The following CEP164 variants were observed in gnomAD, a reference collection of about 807,000 sequenced individuals.
CEP164 encodes centrosomal protein of 164 kDa.
A neutral mutation model predicts 182.7 loss-of-function variants in CEP164; 162 were observed. The observed-to-expected ratio is 0.89, with a 90% CI of 0.78 to 1.01. CEP164 has a LOEUF of 1.01. CEP164 is among the 50% of genes least tolerant of loss of function. The pLI is 0.00. For missense variants in CEP164, 1,735 were observed against 1,790.4 expected, an observed-to-expected ratio of 0.97 and a Z score of 0.56; for synonymous variants, 661 against 690.0, an observed-to-expected ratio of 0.96 and a Z score of 0.66.
rs1402878349 is a variant in CEP164, at chr11:117,411,778, C to T, written c.4164-17C>T. On this transcript the variant is annotated splice_polypyrimidine_tract_variant and intron_variant, in intron 31 of 32. Transcript: ENST00000278935. The surrounding 1 kb of genome is among the most constrained non-coding windows in gnomAD (Gnocchi z 4.4). ...GCCTCCTCTCTCCCCTCGCCATGCT[C>T]TCCTCTTCCTTCCCAGTGAGCAGCT... is the stretch of plus-strand genomic sequence containing the variant. The T allele has an allele frequency of 6.8e-6, 11 of 1,614,004 alleles. No homozygotes were observed. In the South Asian group the frequency reaches 1.1e-4, roughly 16 times the overall value.
intron 5 of CEP164, among the ~76,000 whole-genome samples, chr11:117,360,137 T>C (rs117346303): frequency 6.6e-6 from 1 of 152,208 alleles, no homozygotes; most frequent in East Asian, 1.9e-4. Context: ...GTAGTTAGTG[T>C]TGATTTTTTT....
At chr11:117,388,407 C>T (rs928342405) in intron 15 of CEP164, among the ~76,000 whole-genome samples, 20 of 152,242 alleles carry the variant, frequency 1.3e-4, no homozygotes, top group Admixed American at 3.9e-4. Context: ...TAAGTGATTT[C>T]TCTGTGGACA....
At position 117,389,464 on chromosome 11, in the gene CEP164, G is replaced by T. The variant is rs76663730; in HGVS notation, c.1935-1313G>T. 2.4e-3 allele frequency among the ~76,000 whole-genome samples: 364 copies of T among 152,292 alleles called. 13 individuals are homozygous for T. The South Asian group carries it at 0.048, about 20-fold the overall frequency. Reference sequence around the variant, plus strand: ...GTCAGCTACTATGTGTGGTACCTGGGATATAACAGATTTTAAGACAAGATT... The same window carrying T: ...GTCAGCTACTATGTGTGGTACCTGGTATATAACAGATTTTAAGACAAGATT... On this transcript the variant is annotated intron_variant, in intron 15 of 32. Coordinates refer to ENST00000278935, the MANE Select transcript of CEP164 (RefSeq NM_014956.5).
intron 5 of CEP164, among the ~76,000 whole-genome samples, chr11:117,357,833 G>C (rs184176669): frequency 1.3e-5 from 2 of 152,308 alleles, no homozygotes; most frequent in Admixed American, 6.5e-5. Context: ...TGGATAACCT[G>C]TGTCAGGCTT....
In CEP164 at chr11:117,395,530, T is replaced by G. The variant is rs376137516; in HGVS notation, c.2914-17T>G. The G allele has an allele frequency of 2.5e-6, 4 of 1,599,236 alleles. No individual in the cohort carries two copies. The highest frequency in any genetic ancestry group is 1.3e-5 in the African/African-American group (1 of 74,528). ...TGTGCTGTCTCTGGGTGCTTCTATC[T>G]TTCCTTTTGCCCCTAGGAAGCCACA... On this transcript the variant is annotated splice_polypyrimidine_tract_variant and intron_variant, in intron 23 of 32. Coordinates refer to ENST00000278935, the MANE Select transcript of CEP164 (RefSeq NM_014956.5).
chr11:117,351,853 TC>T lies in CEP164; in HGVS notation c.260del (p.Pro87HisfsTer10). 6.2e-7 allele frequency: 1 copy of T among 1,613,296 alleles called. No homozygotes were observed. The highest frequency in any genetic ancestry group is 1.1e-5 in the South Asian group (1 of 91,064). ...CCAACGGGCAGTCTATGTGGGACCA[TC>T]CATGTGACGAACACTATCGGAGCTT... ...FANGQSMWDH[P>X]CDEHYRSLVI... On this transcript the variant is annotated frameshift_variant, in exon 5 of 33. Coordinates refer to ENST00000278935, the MANE Select transcript of CEP164 (RefSeq NM_014956.5). LOFTEE classifies it high-confidence loss of function.
rs1489243648 is a variant in CEP164, at chr11:117,411,415, C to G, written c.4164-380C>G. The G allele has an allele frequency of 1.9e-5, 5 of 260,906 alleles. No homozygotes were observed. The highest frequency in any genetic ancestry group is 3.0e-5 in the Non-Finnish European group (4 of 135,200). 16.2% of individuals were successfully genotyped at this position (260,906 alleles called of 1,614,324 possible). On this transcript the variant is annotated intron_variant, in intron 31 of 32. Transcript: ENST00000278935. This position sits in a 1 kb window ranked among gnomAD's most constrained non-coding sequence, Gnocchi z 4.4. The stretch of plus-strand genomic sequence containing the variant: ...CATTCCTTGCCAAATGTTTTCCCCT[C>G]TCCCTCCCTTAGGCAGCTAACAGTG...
chr11:117,396,251 CAG>C, intron 25 of CEP164, 71 bp downstream of exon 25: 1 of 1,522,170 alleles, frequency 6.6e-7, no homozygotes. Context: ...GGCTGGGCAT[CAG>C]GGGAGTACTT....
At position 117,411,100 on chromosome 11, in the gene CEP164, C is replaced by T. The variant is rs2047302861; in HGVS notation, c.4163+206C>T. The T allele has an allele frequency of 1.8e-6, 1 of 560,948 alleles. No homozygotes were observed. The highest frequency in any genetic ancestry group is 3.2e-6 in the Non-Finnish European group (1 of 309,896). 34.7% of individuals were successfully genotyped at this position (560,948 alleles called of 1,614,324 possible). A position where few individuals can be genotyped will look rare whatever the true frequency, so the allele number is the denominator to read the frequency against. ...CAGGGGAAAGTCAAGTTCACACCGC[C>T]AAGGTCCCAGTGGGGAAGGGCTGGG... is the stretch of plus-strand genomic sequence containing the variant. On this transcript the variant is annotated intron_variant, in intron 31 of 32. Coordinates refer to ENST00000278935, the MANE Select transcript of CEP164 (RefSeq NM_014956.5). This position sits in a 1 kb window ranked among gnomAD's most constrained non-coding sequence, Gnocchi z 4.4.
At chr11:117,389,754 G>C (rs71480336) in intron 15 of CEP164, among the ~76,000 whole-genome samples, 1 of 152,150 alleles carries the variant, frequency 6.6e-6, no homozygotes, top group Admixed American at 6.5e-5. Flanking sequence ...GAGTGTGGTA[G>C]AATGGAGGGA....
chr11:117,329,510 T>G (rs2035854617), intron 1 of CEP164, among the ~76,000 whole-genome samples: 1 of 152,136 alleles, frequency 6.6e-6, no homozygotes, highest in Admixed American at 6.5e-5. Flanking sequence ...GCTCTACCGT[T>G]TATTAGCTGT....
At chr11:117,359,546 A>T in intron 5 of CEP164, 1 of 985,450 alleles carries the variant, frequency 1.0e-6, no homozygotes, top group Non-Finnish European at 1.2e-6. Context: ...TCTGGCCCCT[A>T]GGCTGAGGCT....
intron 8 of CEP164, among the ~76,000 whole-genome samples, chr11:117,367,855 T>C (rs2041812508): frequency 1.3e-5 from 2 of 152,240 alleles, no homozygotes; most frequent in Admixed American, 1.3e-4. Context: ...ATAGGTTACT[T>C]GTTTTTCCAT....
At chr11:117,381,222 A>G (rs904064040) in intron 12 of CEP164, among the ~76,000 whole-genome samples, 3 of 152,208 alleles carry the variant, frequency 2.0e-5, no homozygotes, top group Non-Finnish European at 4.4e-5. Flanking sequence ...CCTGAGCCCC[A>G]TGACAAGGGC....
At chr11:117,353,374 T>C (rs2039908757) in intron 5 of CEP164, among the ~76,000 whole-genome samples, 1 of 152,086 alleles carries the variant, frequency 6.6e-6, no homozygotes, top group Admixed American at 6.5e-5. Context: ...AATTTCCAGC[T>C]AGGCTGGATT....
chr11:117,350,198 C>T lies in CEP164; in HGVS notation c.195-1592C>T, dbSNP rs146398653. The stretch of plus-strand genomic sequence containing the variant: ...TGCTGGGATTATAGGTGTGAGCCAC[C>T]GCACCCAGCCTTTTTTTTTTTTGAA... On this transcript the variant is annotated intron_variant, in intron 4 of 32. Transcript: ENST00000278935. 3.4e-3 allele frequency among the ~76,000 whole-genome samples: 501 copies of T among 148,942 alleles called. 5 individuals carry two copies. The highest frequency in any genetic ancestry group is 0.03 in the East Asian group (151 of 5,110).
intron 3 of CEP164, among the ~76,000 whole-genome samples, chr11:117,340,908 G>A (rs1172758960): frequency 1.3e-5 from 2 of 152,092 alleles, no homozygotes; most frequent in South Asian, 2.1e-4. Flanking sequence ...AGCTCGGCTC[G>A]CTGCAACCTC....
rs901869165 is a variant in CEP164, at chr11:117,381,209, C to T, written c.1410-492C>T. On this transcript the variant is annotated intron_variant, in intron 12 of 32. Coordinates refer to ENST00000278935, the MANE Select transcript of CEP164 (RefSeq NM_014956.5). Reference sequence around the variant, plus strand: ...ATGTGACAGGGGCTCTCAGCTTCTCCGGCCTGAGCCCCATGACAAGGGCTG... The same window carrying T: ...ATGTGACAGGGGCTCTCAGCTTCTCTGGCCTGAGCCCCATGACAAGGGCTG... 4.6e-5 allele frequency among the ~76,000 whole-genome samples: 7 copies of T among 152,190 alleles called. No homozygotes were observed. In the East Asian group the frequency reaches 5.8e-4, roughly 13 times the overall value.
intron 27 of CEP164, 30 bp downstream of exon 27, chr11:117,397,343 C>T: frequency 6.3e-7 from 1 of 1,596,380 alleles, no homozygotes; most frequent in Non-Finnish European, 8.6e-7. Flanking sequence ...GCCTGCCAGC[C>T]CTGTGTGGGG....
Sources: gnomAD v4.1 joint callset for allele counts (sites outside exome capture counted in the v4.1 genomes callset) on GRCh38, gnomAD v4.1.1 for gene constraint, Gnocchi (gnomAD v3.1) non-coding constraint, MANE v1.5 for transcripts, NCBI Gene and HGNC (gene_info 2026-07-23, HGNC 2026-07-21) for gene names.